Variants in SCUBE1 observed in about 807,000 individuals in gnomAD.
The protein encoded by SCUBE1 is signal peptide, CUB and EGF-like domain-containing protein 1.
SCUBE1 carries 59 observed loss-of-function variants against 124.4 expected under a neutral mutation model. The ratio of observed to expected loss-of-function variants is 0.47; its 90% CI spans 0.38 to 0.59. The LOEUF is 0.59. Ranked by LOEUF, SCUBE1 falls within the 20% of genes least tolerant of loss-of-function variation. SCUBE1 has a pLI of 0.00. For synonymous variants in SCUBE1, 545 were observed against 550.9 expected, an observed-to-expected ratio of 0.99 and a Z score of 0.15; for missense variants, 1,150 against 1,371.2, an observed-to-expected ratio of 0.84 and a Z score of 2.55.
rs374972279 is a variant in SCUBE1 at position 43,216,278 on chromosome 22, C to A, written c.1891+1977G>T. Among the ~76,000 whole-genome samples the A allele has an allele frequency of 2.4e-3, 354 of 150,560 alleles. 1 individual carries two copies. Among genetic ancestry groups the A allele is most frequent in the African/African-American group, 7.9e-3 (324 of 41,104 alleles). On this transcript the variant is annotated intron_variant, in intron 15 of 21. Transcript: ENST00000360835. The stretch of plus-strand genomic sequence containing the variant: ...GCCAGGCTGGTCTCAAACTCCTGAC[C>A]TCAGGTGATCCACCTGTCTCGGCCT...
chr22:43,210,912 C>G lies in SCUBE1; in HGVS notation c.2383+10G>C, dbSNP rs532835483. 5.6e-6 allele frequency: 9 copies of G among 1,613,886 alleles called. No homozygotes were observed. The African/African-American group carries it at 6.7e-5, about 12-fold the overall frequency. ...TTCCCAGCTTCCCACGGCAGAGCAGCAGCACCCACTTTTGCAGTGTGTGAC... is the reference window on the plus strand; with the variant it reads ...TTCCCAGCTTCCCACGGCAGAGCAGGAGCACCCACTTTTGCAGTGTGTGAC... On this transcript the variant is annotated intron_variant, in intron 18 of 21. Transcript: ENST00000360835. This position sits in a 1 kb window ranked among gnomAD's most constrained non-coding sequence, Gnocchi z 4.5.
At chr22:43,296,982 G>A (rs1036522630) in intron 3 of SCUBE1, among the ~76,000 whole-genome samples, 1 of 152,254 alleles carries the variant, frequency 6.6e-6, no homozygotes, top group African/African-American at 2.4e-5. Flanking sequence ...AGAGCTGGGG[G>A]AGGTCAGAGG....
rs1010206677 is a variant in SCUBE1 at position 43,198,855 on chromosome 22, T to A, written c.*5142A>T. ...TGTCTATCTGCTGTCTGGGGAAGTG[T>A]GTCTGTCTGTCTGCTGTCTGGGGCA... On this transcript the variant is annotated 3_prime_UTR_variant, in exon 22 of 22. Coordinates refer to ENST00000360835, the MANE Select transcript of SCUBE1 (RefSeq NM_173050.5). 2 of 397,588 alleles carry A rather than the reference T, an allele frequency of 5.0e-6. No individual in the cohort carries two copies. Among genetic ancestry groups the A allele is most frequent in the African/African-American group, 4.1e-5 (2 of 48,616 alleles). 24.6% of individuals were successfully genotyped at this position (397,588 alleles called of 1,614,324 possible).
At chr22:43,305,662 A>G (rs1925941862) in intron 3 of SCUBE1, among the ~76,000 whole-genome samples, 2 of 152,108 alleles carry the variant, frequency 1.3e-5, no homozygotes, top group African/African-American at 2.4e-5. Context: ...GACCCCCACA[A>G]TGGCAACACA....
chr22:43,230,700 C>T (rs558965293), intron 8 of SCUBE1, among the ~76,000 whole-genome samples: 3 of 152,346 alleles, frequency 2.0e-5, no homozygotes, highest in East Asian at 3.9e-4. Flanking sequence ...CCAGGATGCC[C>T]GTCCAGGGAC....
At chr22:43,292,289 C>T (rs1254787389) in intron 3 of SCUBE1, among the ~76,000 whole-genome samples, 1 of 152,132 alleles carries the variant, frequency 6.6e-6, no homozygotes, top group Non-Finnish European at 1.5e-5. Flanking sequence ...AGGCAGACCT[C>T]AGGGCCGACA....
intron 4 of SCUBE1, among the ~76,000 whole-genome samples, chr22:43,275,129 G>A (rs1924452831): frequency 1.3e-5 from 2 of 152,216 alleles, no homozygotes; most frequent in Non-Finnish European, 2.9e-5. Flanking sequence ...GTGTTCTGGA[G>A]CAGGAACAAG....
At chr22:43,219,960 C>T (rs1922020132) in intron 14 of SCUBE1, among the ~76,000 whole-genome samples, 4 of 152,180 alleles carry the variant, frequency 2.6e-5, no homozygotes, top group Admixed American at 2.6e-4. Flanking sequence ...AGCCCACAGC[C>T]AGGCCCATAC....
At chr22:43,209,431 C>T (rs1921443218) in intron 19 of SCUBE1, among the ~76,000 whole-genome samples, 1 of 152,180 alleles carries the variant, frequency 6.6e-6, no homozygotes, top group Non-Finnish European at 1.5e-5. Context: ...CCAGGCATTC[C>T]TGCTGCTGTG....
At chr22:43,265,279 T>G (rs1178702319) in intron 4 of SCUBE1, among the ~76,000 whole-genome samples, 1 of 152,106 alleles carries the variant, frequency 6.6e-6, no homozygotes, top group Non-Finnish European at 1.5e-5. Flanking sequence ...GCCAAGATGT[T>G]GTTGTTTTCT....
intron 3 of SCUBE1, among the ~76,000 whole-genome samples, chr22:43,315,290 G>A (rs1601884357): frequency 6.6e-6 from 1 of 151,788 alleles, no homozygotes; most frequent in South Asian, 2.1e-4. Flanking sequence ...TCACAGTTAG[G>A]GGAACTGAAG....
chr22:43,305,355 G>C (rs1004444963), intron 3 of SCUBE1, among the ~76,000 whole-genome samples: 2 of 152,212 alleles, frequency 1.3e-5, no homozygotes, highest in Non-Finnish European at 2.9e-5. Context: ...TAAGTAAACA[G>C]ACATTTGCAG....
In SCUBE1 at chr22:43,249,871, A is replaced by G. The variant is rs185562706; in HGVS notation, c.727+8348T>C. ...AGGTCTAGGGGCAGAAGGGCGGGGA[A>G]AAGCCAGGGGAAGCCTGGGACTCCA... is the stretch of plus-strand genomic sequence containing the variant. On this transcript the variant is annotated intron_variant, in intron 6 of 21. Transcript: ENST00000360835. Among the ~76,000 whole-genome samples, 651 of 152,242 alleles carry G rather than the reference A, an allele frequency of 4.3e-3. 4 individuals carry two copies. Among genetic ancestry groups the G allele is most frequent in the African/African-American group, 0.015 (620 of 41,556 alleles).
In SCUBE1 at chr22:43,291,783, C is replaced by G. The variant is rs923845068; in HGVS notation, c.350-603G>C. 4.6e-5 allele frequency among the ~76,000 whole-genome samples: 7 copies of G among 152,206 alleles called. No homozygotes were observed. The East Asian group carries it at 1.3e-3, about 29-fold the overall frequency. On this transcript the variant is annotated intron_variant, in intron 3 of 21. Coordinates refer to ENST00000360835, the MANE Select transcript of SCUBE1 (RefSeq NM_173050.5). ...TGCTGTCTGAGTGCCCAGCACTGTT[C>G]TAAGCATCTTACCTGTATTAATTCC...
chr22:43,337,377 G>T (rs954044020), intron 2 of SCUBE1, among the ~76,000 whole-genome samples: 1 of 152,242 alleles, frequency 6.6e-6, no homozygotes, highest in Non-Finnish European at 1.5e-5. Context: ...GCTTAAACCA[G>T]CAGAGATAGG....
At chr22:43,230,791 C>T (rs991244414) in intron 8 of SCUBE1, among the ~76,000 whole-genome samples, 5 of 152,186 alleles carry the variant, frequency 3.3e-5, no homozygotes, top group African/African-American at 4.8e-5. Flanking sequence ...GCCCTACTCT[C>T]GCCAGCCTCC....
chr22:43,231,894 A>T lies in SCUBE1; in HGVS notation c.845-19T>A. Reference sequence around the variant, plus strand: ...TTGATGTCTGTGGGAGCCAAGGGGGATGGAGGAGTGAGAGCCAGGAGAATC... The same window carrying T: ...TTGATGTCTGTGGGAGCCAAGGGGGTTGGAGGAGTGAGAGCCAGGAGAATC... On this transcript the variant is annotated intron_variant, in intron 7 of 21. Transcript: ENST00000360835. 1.2e-6 allele frequency: 2 copies of T among 1,609,492 alleles called. No homozygotes were observed. Among genetic ancestry groups the T allele is most frequent in the African/African-American group, 1.3e-5 (1 of 74,922 alleles).
intron 4 of SCUBE1, among the ~76,000 whole-genome samples, chr22:43,263,443 A>T (rs991186539): frequency 6.6e-6 from 1 of 152,198 alleles, no homozygotes; most frequent in Non-Finnish European, 1.5e-5. Flanking sequence ...CTGTCTGCCA[A>T]CCCACCAGCT....
chr22:43,258,481 C>CG lies in SCUBE1; in HGVS notation c.611-147dup, dbSNP rs1389906841. On this transcript the variant is annotated intron_variant, in intron 5 of 21. Coordinates refer to ENST00000360835, the MANE Select transcript of SCUBE1 (RefSeq NM_173050.5). The surrounding 1 kb of genome is among the most constrained non-coding windows in gnomAD (Gnocchi z 5.0). ...TAGGGTCATGAGGCTCGCCGGGCAA[C>CG]GGGGGAGCATTTCCCTGCACTTCAG... 9.0e-6 allele frequency: 6 copies of CG among 669,896 alleles called. No homozygotes were observed. The highest frequency in any genetic ancestry group is 1.6e-5 in the Non-Finnish European group (6 of 365,782). 41.5% of individuals were successfully genotyped at this position (669,896 alleles called of 1,614,324 possible). A position where few individuals can be genotyped will look rare whatever the true frequency, so the allele number is the denominator to read the frequency against.
Sources: allele counts gnomAD v4.1 joint callset (sites outside exome capture counted in the v4.1 genomes callset), GRCh38; gene constraint gnomAD v4.1.1; non-coding constraint Gnocchi (gnomAD v3.1); transcripts MANE v1.5; gene names NCBI Gene and HGNC (gene_info 2026-07-23, HGNC 2026-07-21).